Variants in EYS observed in about 807,000 individuals in gnomAD.
EYS encodes EGF-like photoreceptor maintenance factor.
EYS carries 250 observed loss-of-function variants against 282.1 expected under a neutral mutation model. The ratio of observed to expected loss-of-function variants is 0.89; its 90% confidence interval spans 0.80 to 0.98. EYS has a LOEUF of 0.98. Ranked by LOEUF, EYS falls within the 50% of genes least tolerant of loss-of-function variation. The probability of loss-of-function intolerance (pLI) is 0.00; values close to 1 mark genes in which losing one functional copy is unlikely to be tolerated. For synonymous variants in EYS, 1,355 were observed against 1,282.9 expected (o/e 1.06, Z -1.20); for missense variants, 4,016 against 3,709.0 (o/e 1.08, Z -2.15).
At chr6:64,920,044 C>G (rs943895200) in intron 15 of EYS, among the ~76,000 whole-genome samples, 6 of 151,606 alleles carry the variant, frequency 4.0e-5, no homozygotes, top group African/African-American at 1.2e-4. Flanking sequence ...ATATGCCGTA[C>G]AGTGAGATGC....
intron 2 of EYS, among the ~76,000 whole-genome samples, chr6:65,549,871 A>G (rs1768534856): frequency 6.6e-6 from 1 of 152,176 alleles, no homozygotes; most frequent in South Asian, 2.1e-4. Context: ...GAACAGTTAC[A>G]GATTACATTA....
rs183939849 is a variant in EYS, at chr6:64,031,270, C to T, written c.6726-32087G>A. Among the ~76,000 whole-genome samples, 315 of 152,312 alleles carry T rather than the reference C, an allele frequency of 2.1e-3. 1 individual carries two copies. The highest frequency in any genetic ancestry group is 3.3e-3 in the Non-Finnish European group (227 of 68,008). Reference sequence around the variant, plus strand: ...ACTCAGAGGGGCTGGCCGGCACCACCGGCCCTGGGCAGTGAGGGGCTTAGC... The same window carrying T: ...ACTCAGAGGGGCTGGCCGGCACCACTGGCCCTGGGCAGTGAGGGGCTTAGC... On this transcript the variant is annotated intron_variant, in intron 33 of 42. Coordinates refer to ENST00000503581, the MANE Select transcript of EYS (RefSeq NM_001142800.2).
chr6:64,654,319 T>C (rs1238831357), intron 22 of EYS, among the ~76,000 whole-genome samples: 1 of 152,206 alleles, frequency 6.6e-6, no homozygotes, highest in African/African-American at 2.4e-5. Context: ...GTTGATCTGA[T>C]CATTCAATAA....
chr6:63,840,974 T>C (rs1314179764), intron 36 of EYS, among the ~76,000 whole-genome samples: 4 of 152,184 alleles, frequency 2.6e-5, no homozygotes, highest in Non-Finnish European at 5.9e-5. Context: ...CTTTGTTCTA[T>C]TTCTCAAGAT....
In EYS at chr6:64,244,202, C is replaced by T. The variant is rs140881869; in HGVS notation, c.6192-13378G>A. 7.4e-4 allele frequency among the ~76,000 whole-genome samples: 112 copies of T among 152,214 alleles called. No individual in the cohort carries two copies. The East Asian group carries it at 0.019, about 26-fold the overall frequency. ...CTATTTTGAATTGCTAGAATATATG[C>T]TTCCTCACTTCTTCAATTGTTTTCA... On this transcript the variant is annotated intron_variant, in intron 30 of 42. Transcript: ENST00000503581.
At chr6:65,059,783 T>C (rs1773517229) in intron 12 of EYS, among the ~76,000 whole-genome samples, 1 of 152,084 alleles carries the variant, frequency 6.6e-6, no homozygotes, top group Non-Finnish European at 1.5e-5. Flanking sequence ...GGGAAACCTG[T>C]TTGTCTTGTG....
chr6:64,445,001 C>T lies in EYS; in HGVS notation c.5645-5649G>A, dbSNP rs185968838. ...CCTGCTGAACCATGAACCAATTAAA[C>T]CTCTTTCTTTTATAAATTACCCAGC... On this transcript the variant is annotated intron_variant, in intron 26 of 42. Transcript: ENST00000503581. 2.0e-4 allele frequency among the ~76,000 whole-genome samples: 31 copies of T among 152,336 alleles called. No individual in the cohort carries two copies. The East Asian group carries it at 6.0e-3, about 29-fold the overall frequency.
At chr6:65,657,684 G>A (rs897251216) in intron 1 of EYS, among the ~76,000 whole-genome samples, 3 of 151,842 alleles carry the variant, frequency 2.0e-5, no homozygotes, top group Non-Finnish European at 4.4e-5. Context: ...GAACAGCGTT[G>A]AAATAACAGG....
At chr6:64,123,822 C>T (rs1773673569) in intron 31 of EYS, among the ~76,000 whole-genome samples, 1 of 152,076 alleles carries the variant, frequency 6.6e-6, no homozygotes, top group African/African-American at 2.4e-5. Context: ...CTCAATATCC[C>T]CATTCAAAGA....
chr6:64,449,852 G>T (rs894602094), intron 26 of EYS, among the ~76,000 whole-genome samples: 1 of 152,090 alleles, frequency 6.6e-6, no homozygotes, highest in Non-Finnish European at 1.5e-5. Flanking sequence ...AGCTCCTGAA[G>T]GAAGCACTAA....
chr6:65,034,518 A>G (rs1484903039), intron 13 of EYS, among the ~76,000 whole-genome samples: 1 of 151,920 alleles, frequency 6.6e-6, no homozygotes, highest in East Asian at 1.9e-4. Context: ...ATAGTAAGTG[A>G]GTTCTTGTGA....
At position 64,590,939 on chromosome 6, in the gene EYS, G is replaced by A; in HGVS notation, c.4928C>T (p.Ser1643Leu). The A allele has an allele frequency of 6.4e-7, 1 of 1,550,830 alleles. No homozygotes were observed. The highest frequency in any genetic ancestry group is 8.7e-7 in the Non-Finnish European group (1 of 1,146,664). ...TAGGGTAATGGATTCTTCCAAGGAT[G>A]AGGATAAAATTGTTCTTTTTGCACT... ...KKSAKRTILS[S>L]SLEESITLSS... The change falls in exon 26 of 43, where the codon TCA (serine) becomes TTA (leucine). Residue 1643 changes from serine to leucine, a missense_variant. Transcript: ENST00000503581.
At chr6:63,763,253 T>C (rs2149656285) in intron 40 of EYS, among the ~76,000 whole-genome samples, 1 of 152,062 alleles carries the variant, frequency 6.6e-6, no homozygotes. Context: ...TGAGGGGTAA[T>C]GGGGAATACT....
chr6:65,191,343 T>C (rs1765636911), intron 12 of EYS, among the ~76,000 whole-genome samples: 1 of 151,836 alleles, frequency 6.6e-6, no homozygotes, highest in South Asian at 2.1e-4. Flanking sequence ...TTTGACCTAA[T>C]GAATATTGGT....
At chr6:65,658,872 T>C (rs551935648) in intron 1 of EYS, among the ~76,000 whole-genome samples, 1 of 151,728 alleles carries the variant, frequency 6.6e-6, no homozygotes, top group South Asian at 2.1e-4. Flanking sequence ...AAAGAATACA[T>C]TGTATCTCAT....
intron 31 of EYS, among the ~76,000 whole-genome samples, chr6:64,194,488 TGTA>T (rs143633493): frequency 6.6e-6 from 1 of 152,314 alleles, no homozygotes; most frequent in Non-Finnish European, 1.5e-5. Context: ...TATTTTTTGT[TGTA>T]GTTTCTTCCT....
At chr6:65,641,895 T>G (rs946829313) in intron 1 of EYS, among the ~76,000 whole-genome samples, 3 of 152,168 alleles carry the variant, frequency 2.0e-5, no homozygotes, top group Admixed American at 6.5e-5. Context: ...GCTCTAGTGG[T>G]CTTTCTGGCC....
chr6:64,005,909 TC>T (rs2149807619), intron 33 of EYS, among the ~76,000 whole-genome samples: 1 of 152,320 alleles, frequency 6.6e-6, no homozygotes, highest in Admixed American at 6.5e-5. Flanking sequence ...ACATAAAACT[TC>T]CAGCTTTGCA....
intron 7 of EYS, among the ~76,000 whole-genome samples, chr6:65,399,093 A>G (rs773318282): frequency 2.0e-4 from 31 of 152,062 alleles, no homozygotes; most frequent in Non-Finnish European, 3.7e-4. Flanking sequence ...TACTCATAGT[A>G]GCTTTCTAGC....
Sources: allele counts gnomAD v4.1 joint callset (sites outside exome capture counted in the v4.1 genomes callset), GRCh38; gene constraint gnomAD v4.1.1; transcripts MANE v1.5; gene names NCBI Gene and HGNC (gene_info 2026-07-23, HGNC 2026-07-21).